The following POLR2F variants were observed in gnomAD, a reference collection of about 807,000 sequenced individuals.
The protein encoded by POLR2F is DNA-directed RNA polymerases I, II, and III subunit RPABC2.
Under a neutral mutation model 22.7 loss-of-function variants are expected in POLR2F, and 12 were observed. The observed-to-expected ratio is 0.53, with a 90% CI of 0.34 to 0.86. POLR2F has a LOEUF of 0.86. POLR2F is among the 40% of genes least tolerant of loss of function. The probability of loss-of-function intolerance (pLI) is 0.02; values close to 1 mark genes in which losing one functional copy is unlikely to be tolerated. For missense variants in POLR2F, 126 were observed against 171.5 expected (o/e 0.73, Z 1.48); for synonymous variants, 57 against 66.0 (o/e 0.86, Z 0.66).
Position 37,986,781 on chromosome 22 carries a change from C to G in POLR2F, c.120+469C>G, listed in dbSNP as rs1280994688. 1 of 464,188 alleles carries G rather than the reference C, an allele frequency of 2.2e-6. No homozygotes were observed. Among genetic ancestry groups the G allele is most frequent in the African/African-American group, 2.0e-5 (1 of 50,372 alleles). The allele number at this position is 464,188 out of a possible 1,614,324, so 28.8% of individuals were successfully genotyped here. A position where few individuals can be genotyped will look rare whatever the true frequency, so the allele number is the denominator to read the frequency against. On this transcript the variant is annotated intron_variant, in intron 1 of 2. Transcript: ENST00000333418. The surrounding 1 kb of genome is among the most constrained non-coding windows in gnomAD (Gnocchi z 4.7). ...GCCCCTGCTGCGAACACATCCCTGC[C>G]CACCATGCTGGCAACTGGGATCCCC...
chr22:37,996,973 G>A (rs917139673), intron 1 of POLR2F, among the ~76,000 whole-genome samples: 11 of 152,200 alleles, frequency 7.2e-5, no homozygotes, highest in Middle Eastern at 3.4e-3. Context: ...CCTAGGGCAG[G>A]CCACCCCACT....
At chr22:38,018,163 G>T (rs927135591) in intron 1 of POLR2F, among the ~76,000 whole-genome samples, 2 of 152,182 alleles carry the variant, frequency 1.3e-5, no homozygotes, top group Admixed American at 1.3e-4. Context: ...CGAAACCAGG[G>T]CTCATCTGTG....
chr22:37,979,708 G>C (rs1293412668), intron 4 of POLR2F, among the ~76,000 whole-genome samples: 2 of 152,132 alleles, frequency 1.3e-5, no homozygotes, highest in African/African-American at 4.8e-5. Flanking sequence ...TCCAGCCTTA[G>C]GCCAGGGTTG....
downstream of POLR2F, among the ~76,000 whole-genome samples, chr22:38,031,286 C>T (rs2085062988): frequency 6.6e-6 from 1 of 152,144 alleles, no homozygotes; most frequent in Admixed American, 6.5e-5. The surrounding 1 kb of genome is among the most constrained non-coding windows in gnomAD (Gnocchi z 4.1). Flanking sequence ...AGGATGGTTG[C>T]AAGGATTAAA....
chr22:38,024,775 T>G (rs966810695), intron 1 of POLR2F, among the ~76,000 whole-genome samples: 5 of 151,964 alleles, frequency 3.3e-5, no homozygotes, highest in African/African-American at 4.8e-5. Flanking sequence ...AGGCTGGCAG[T>G]GGGAGAGGAC....
At chr22:37,960,752 C>T (rs963509972) in intron 3 of POLR2F, among the ~76,000 whole-genome samples, 18 of 152,074 alleles carry the variant, frequency 1.2e-4, no homozygotes, top group African/African-American at 4.3e-4. Context: ...CCAGGCTGGT[C>T]TCAAACTCCT....
intron 3 of POLR2F, among the ~76,000 whole-genome samples, chr22:37,960,157 A>G (rs1382029858): frequency 1.3e-5 from 2 of 151,592 alleles, no homozygotes; most frequent in Non-Finnish European, 2.9e-5. Flanking sequence ...TCTGTTGCCC[A>G]TGCTGGAGCA....
At chr22:37,981,994 A>G (rs1932412286), upstream of POLR2F, among the ~76,000 whole-genome samples, 1 of 152,132 alleles carries the variant, frequency 6.6e-6, no homozygotes, top group Admixed American at 6.5e-5. Context: ...TGCACCTTCT[A>G]CCACTCTAAG....
At chr22:38,012,496 A>T (rs1334757589) in intron 1 of POLR2F, among the ~76,000 whole-genome samples, 1 of 152,238 alleles carries the variant, frequency 6.6e-6, no homozygotes, top group African/African-American at 2.4e-5. Flanking sequence ...ATTTTACATA[A>T]CTATGATACA....
At chr22:38,025,733 G>C in intron 1 of POLR2F, 3 of 1,526,116 alleles carry the variant, frequency 2.0e-6, no homozygotes, top group Middle Eastern at 1.7e-4. Context: ...ACTGAGCCCA[G>C]GTTGCTGATG....
chr22:37,959,375 C>G lies in POLR2F; in HGVS notation c.120C>G (p.Pro40=). ...GCCAGGAGAATGTCGAGATCCTCCC[C>G]TCTGGGGAGCGACCGCAGGCCAACC... ...EEGQENVEIL[P]SGERPQANQK... Residue 40 remains proline, a synonymous_variant, in exon 3 of 5, where the codon CCC becomes CCG. Transcript: ENST00000442738. The G allele has an allele frequency of 6.2e-7, 1 of 1,614,156 alleles. No individual in the cohort carries two copies. The highest frequency in any genetic ancestry group is 1.3e-5 in the African/African-American group (1 of 75,066).
At chr22:38,037,474 C>T (rs2085127839) in intron 5 of POLR2F, among the ~76,000 whole-genome samples, 1 of 129,988 alleles carries the variant, frequency 7.7e-6, no homozygotes, top group Non-Finnish European at 1.5e-5. Flanking sequence ...GGGGATCTTG[C>T]TATGTTGCCC....
At chr22:37,985,464 C>T (rs960654446), upstream of POLR2F, among the ~76,000 whole-genome samples, 2 of 152,272 alleles carry the variant, frequency 1.3e-5, no homozygotes, top group Admixed American at 6.5e-5. Flanking sequence ...GCCCATCCTC[C>T]GTTGACACCT....
downstream of POLR2F, chr22:38,041,318 C>G: frequency 1.6e-6 from 1 of 625,858 alleles, no homozygotes; most frequent in Non-Finnish European, 2.8e-6. Flanking sequence ...GGTGGAAGGT[C>G]ATTCCATCTC....
At chr22:37,973,147 A>C, downstream of POLR2F, 1 of 277,750 alleles carries the variant, frequency 3.6e-6, no homozygotes, top group Non-Finnish European at 6.8e-6. Flanking sequence ...CGATGCCACC[A>C]ACCCTGGTGC....
At chr22:38,020,218 C>CACAT (rs943329731) in intron 1 of POLR2F, among the ~76,000 whole-genome samples, 19 of 150,538 alleles carry the variant, frequency 1.3e-4, no homozygotes, top group Non-Finnish European at 2.5e-4. Context: ...CACACACACA[C>CACAT]ACACACACAC....
intron 3 of POLR2F, among the ~76,000 whole-genome samples, chr22:37,964,572 CT>C (rs11428366): frequency 0.035 from 4,580 of 131,206 alleles, 205 homozygotes; most frequent in African/African-American, 0.12. Context: ...TTCTTTCTTT[CT>C]TTTTTTTTTT....
intron 1 of POLR2F, among the ~76,000 whole-genome samples, chr22:38,002,615 A>T (rs2084782343): frequency 6.6e-6 from 1 of 151,998 alleles, no homozygotes; most frequent in Non-Finnish European, 1.5e-5. Context: ...CAGCAAAGTC[A>T]GCTGTGTCTG....
intron 1 of POLR2F, among the ~76,000 whole-genome samples, chr22:37,990,093 C>T (rs968351575): frequency 1.3e-5 from 2 of 152,220 alleles, no homozygotes; most frequent in African/African-American, 4.8e-5. Flanking sequence ...CCATGCTCAG[C>T]CTCGGCTCAC....
Sources: gnomAD v4.1 joint callset for allele counts (sites outside exome capture counted in the v4.1 genomes callset) on GRCh38, gnomAD v4.1.1 for gene constraint, Gnocchi (gnomAD v3.1) non-coding constraint, MANE v1.5 for transcripts, NCBI Gene and HGNC (gene_info 2026-07-23, HGNC 2026-07-21) for gene names.